The following TNRC6A variants were observed in gnomAD, a reference collection of about 807,000 sequenced individuals.
The protein encoded by TNRC6A is trinucleotide repeat containing adaptor 6A.
TNRC6A carries 44 observed loss-of-function variants against 221.2 expected under a neutral mutation model. That is an observed-to-expected ratio of 0.20 (90% CI 0.16 to 0.26). TNRC6A has a LOEUF of 0.26. Among genes scored for constraint, TNRC6A ranks in the 10% least tolerant of loss-of-function variants. TNRC6A has a pLI of 1.00. For synonymous variants in TNRC6A, 847 were observed against 838.5 expected, an observed-to-expected ratio of 1.01 and a Z score of -0.18; for missense variants, 2,199 against 2,404.4, an observed-to-expected ratio of 0.91 and a Z score of 1.79.
At chr16:24,769,096 G>A (rs2057535829) in intron 4 of TNRC6A, among the ~76,000 whole-genome samples, 1 of 151,890 alleles carries the variant, frequency 6.6e-6, no homozygotes, top group African/African-American at 2.4e-5. Context: ...TTAGAACTTT[G>A]GTTATATTGT....
intron 1 of TNRC6A, among the ~76,000 whole-genome samples, chr16:24,616,436 A>C (rs1158615610): frequency 1.7e-4 from 26 of 152,146 alleles, no homozygotes; most frequent in Non-Finnish European, 1.0e-4. Context: ...TTTGCTTATT[A>C]ATTTTTTAGG....
chr16:24,746,256 C>G (rs903278670), intron 2 of TNRC6A, among the ~76,000 whole-genome samples: 3 of 152,022 alleles, frequency 2.0e-5, no homozygotes, highest in Admixed American at 6.5e-5. Context: ...AATTTTTTTC[C>G]TATAAAAAAA....
chr16:24,781,822 T>A (rs945718104), intron 5 of TNRC6A, among the ~76,000 whole-genome samples: 9 of 151,618 alleles, frequency 5.9e-5, no homozygotes, highest in African/African-American at 2.2e-4. Flanking sequence ...CTGCTGATTT[T>A]AACTCTTTTT....
intron 2 of TNRC6A, among the ~76,000 whole-genome samples, chr16:24,710,431 G>T (rs1203846841): frequency 6.6e-6 from 1 of 152,068 alleles, no homozygotes; most frequent in Non-Finnish European, 1.5e-5. Flanking sequence ...AACATAGAAA[G>T]GTGCCATCCC....
At chr16:24,793,390 C>T in intron 6 of TNRC6A, 83 bp from the exon 7 acceptor site, 1 of 1,079,952 alleles carries the variant, frequency 9.3e-7, no homozygotes, top group Middle Eastern at 3.3e-4. Flanking sequence ...ATCCTTGGTC[C>T]CTAAGTTTTC....
chr16:24,736,639 T>A (rs2056774833), intron 2 of TNRC6A, among the ~76,000 whole-genome samples: 1 of 152,220 alleles, frequency 6.6e-6, no homozygotes, highest in Non-Finnish European at 1.5e-5. Context: ...TAGGTTCAGG[T>A]TGACCCTTTT....
chr16:24,722,157 C>T lies in TNRC6A; in HGVS notation n.403-28569C>T, dbSNP rs111747057. On this transcript the variant is annotated intron_variant and non_coding_transcript_variant, in intron 2 of 2. Transcript: ENST00000566108. ...TTTAAAAGTGTGAGTATGCCTGTAA[C>T]TCCTGTGCTTTGGGAGGCCAAGGTG... Among the ~76,000 whole-genome samples, 20 of 152,244 alleles carry T rather than the reference C, an allele frequency of 1.3e-4. 1 individual carries two copies. The South Asian group carries it at 1.7e-3, about 13-fold the overall frequency.
At chr16:24,684,336 G>C (rs1447949157) in intron 2 of TNRC6A, among the ~76,000 whole-genome samples, 1 of 151,814 alleles carries the variant, frequency 6.6e-6, no homozygotes, top group Non-Finnish European at 1.5e-5. Context: ...CCCCCAGGAG[G>C]TAGACGCTGC....
intron 11 of TNRC6A, among the ~76,000 whole-genome samples, chr16:24,802,621 G>A (rs536569952): frequency 1.3e-5 from 2 of 152,228 alleles, no homozygotes; most frequent in Non-Finnish European, 2.9e-5. Context: ...ACTGAGCTCA[G>A]TTGTGAAGTC....
Position 24,766,192 on chromosome 16 carries a change from C to A in TNRC6A, c.163+7832C>A, listed in dbSNP as rs187509426. Among the ~76,000 whole-genome samples, 1,139 of 152,230 alleles carry A rather than the reference C, an allele frequency of 7.5e-3. 11 individuals are homozygous for A. Among genetic ancestry groups the A allele is most frequent in the Admixed American group, 0.012 (176 of 15,302 alleles). On this transcript the variant is annotated intron_variant, in intron 4 of 24. Transcript: ENST00000395799. ...AGAAGGAACACTTGTTTGGGAGTCA[C>A]ATTGGGTTTTAAATTTCACCTCTGC...
At chr16:24,675,702 CTATATATATATATATATATATATATA>C (rs60165161) in intron 2 of TNRC6A, among the ~76,000 whole-genome samples, 7 of 33,266 alleles carry the variant, frequency 2.1e-4, no homozygotes, top group African/African-American at 7.6e-4. Context: ...CTCTCTCTCT[CTATATATATATATATATATATATATA>C]TATATATATA....
intron 2 of TNRC6A, among the ~76,000 whole-genome samples, chr16:24,666,639 GAAAAAAAAA>G (rs1164353374): frequency 2.2e-3 from 68 of 31,496 alleles, no homozygotes; most frequent in South Asian, 0.011. Context: ...CTGTCTTAGA[GAAAAAAAAA>G]AAAAAAAAAA....
chr16:24,815,838 G>A (rs1185246397), intron 19 of TNRC6A: 5 of 158,884 alleles, frequency 3.1e-5, no homozygotes, highest in Non-Finnish European at 7.0e-5. Context: ...GGGCGACAGA[G>A]CAAGACAACA....
In TNRC6A at chr16:24,671,414, G is replaced by A. The variant is rs146237488; in HGVS notation, n.402+30405G>A. 4.1e-3 allele frequency among the ~76,000 whole-genome samples: 628 copies of A among 152,338 alleles called. 7 individuals carry two copies. Among genetic ancestry groups the A allele is most frequent in the African/African-American group, 0.014 (563 of 41,580 alleles). ...GCATTGACGCGGCTTGGACTCTGGG[G>A]TGCTGAAGATGCTGGTGGTGATGAG... On this transcript the variant is annotated intron_variant and non_coding_transcript_variant, in intron 2 of 2. Transcript: ENST00000566108.
In TNRC6A at chr16:24,791,346, A is replaced by C; in HGVS notation, c.2704A>C (p.Ile902Leu). The C allele has an allele frequency of 6.3e-7, 1 of 1,599,548 alleles. No homozygotes were observed. The highest frequency in any genetic ancestry group is 1.7e-5 in the Admixed American group (1 of 58,784). Residue 902 changes from isoleucine (I) to leucine (L), a missense_variant, in exon 6 of 25, where the codon ATA becomes CTA. Ile to Leu is a conservative substitution (Grantham distance 5). Around this residue, in one of 8 missense-constraint regions of TNRC6A, gnomAD observed 1,405 missense variants for 1,400.2 expected, o/e 1.00. Transcript: ENST00000395799. ...KTSSFTWGNN[I>L]NPNNSSGWDE... is the part of the protein sequence containing the mutation. The stretch of plus-strand genomic sequence containing the variant: ...TAGTTCTTTCACTTGGGGAAACAAC[A>C]TAAATCCAAATAATTCATCAGGATG...
intron 2 of TNRC6A, among the ~76,000 whole-genome samples, chr16:24,677,057 C>G (rs1473334865): frequency 6.6e-6 from 1 of 152,094 alleles, no homozygotes; most frequent in East Asian, 1.9e-4. Context: ...CCAGTTACCA[C>G]CTGAACATCA....
chr16:24,731,993 C>T (rs1346043638), intron 2 of TNRC6A, among the ~76,000 whole-genome samples: 1 of 152,204 alleles, frequency 6.6e-6, no homozygotes, highest in African/African-American at 2.4e-5. Flanking sequence ...AGTAGAAAGA[C>T]TATCATAAAT....
chr16:24,783,643 C>G (rs2151801668), intron 5 of TNRC6A, among the ~76,000 whole-genome samples: 1 of 152,198 alleles, frequency 6.6e-6, no homozygotes, highest in East Asian at 1.9e-4. Flanking sequence ...AACGCGCAAC[C>G]TTCCAAATCT....
chr16:24,662,597 C>T (rs1216685139), intron 2 of TNRC6A: 2 of 152,286 alleles, frequency 1.3e-5, no homozygotes, highest in Non-Finnish European at 2.9e-5. Flanking sequence ...TGGAAATAAC[C>T]CAAATATCCA....
Sources: allele counts gnomAD v4.1 joint callset (sites outside exome capture counted in the v4.1 genomes callset), GRCh38; gene constraint gnomAD v4.1.1; regional missense constraint gnomAD v4.1.1; transcripts MANE v1.5; gene names NCBI Gene and HGNC (gene_info 2026-07-23, HGNC 2026-07-21).